Variants in GPRIN3 observed in about 807,000 individuals in gnomAD.
GPRIN3 encodes GPRIN family member 3.
Under a neutral mutation model 13.7 loss-of-function variants are expected in GPRIN3, and 12 were observed. The ratio of observed to expected loss-of-function variants is 0.87; its 90% CI spans 0.56 to 1.42. The LOEUF (loss-of-function observed/expected upper bound fraction) is 1.42, where lower values mean the gene tolerates loss of function less well. Ranked by LOEUF, GPRIN3 falls within the 40% of genes most tolerant of loss-of-function variation. The pLI, the probability that GPRIN3 is intolerant of heterozygous loss-of-function variation, is 0.00. For missense variants in GPRIN3, 1,009 were observed against 958.7 expected, an observed-to-expected ratio of 1.05 and a Z score of -0.69; for synonymous variants, 377 against 372.7, an observed-to-expected ratio of 1.01 and a Z score of -0.13.
chr4:89,249,350 G>A lies in GPRIN3; in HGVS notation c.761C>T (p.Ala254Val), dbSNP rs372625903. ...AGAAGTTGTGCCTTGGGGGCCCGAG[G>A]CAGTGACAGAGGGCTGCTTGTTCTC... is the stretch of plus-strand genomic sequence containing the variant. ...CSENKQPSVT[A>V]SGPQGTTSVT... The change falls in exon 2 of 2, where the codon GCC becomes GTC. Residue 254 changes from alanine (A) to valine (V), a missense_variant. Coordinates refer to ENST00000609438, the MANE Select transcript of GPRIN3 (RefSeq NM_198281.3). 31 of 1,614,056 alleles carry A rather than the reference G, an allele frequency of 1.9e-5. No individual in the cohort carries two copies. Among genetic ancestry groups the A allele is most frequent in the African/African-American group, 5.3e-5 (4 of 74,930 alleles).
At chr4:89,268,141 C>G (rs1428863129) in intron 1 of GPRIN3, among the ~76,000 whole-genome samples, 2 of 152,066 alleles carry the variant, frequency 1.3e-5, no homozygotes, top group African/African-American at 4.8e-5. Flanking sequence ...ACCAGTGAAA[C>G]AATTAGAAAA....
chr4:89,264,717 C>T (rs1044278665), intron 1 of GPRIN3, among the ~76,000 whole-genome samples: 2 of 152,142 alleles, frequency 1.3e-5, no homozygotes, highest in Non-Finnish European at 2.9e-5. Context: ...TGTCCATTTG[C>T]AAAGAGGTTC....
chr4:89,290,584 T>C (rs1724544484), intron 1 of GPRIN3, among the ~76,000 whole-genome samples: 1 of 152,118 alleles, frequency 6.6e-6, no homozygotes, highest in South Asian at 2.1e-4. Context: ...AAGTGAGGAC[T>C]TTCTCTTCTC....
At chr4:89,296,174 A>G (rs28405230) in intron 1 of GPRIN3, among the ~76,000 whole-genome samples, 2,927 of 152,244 alleles carry the variant, frequency 0.019, 90 homozygotes, top group African/African-American at 0.067. Context: ...CTGAAATGAC[A>G]TGAGGTGGTA....
chr4:89,302,289 T>C (rs532806590), intron 1 of GPRIN3, among the ~76,000 whole-genome samples: 5 of 152,298 alleles, frequency 3.3e-5, no homozygotes, highest in Non-Finnish European at 7.3e-5. Context: ...TACTGGGGAA[T>C]TAGAAAGAGG....
chr4:89,258,209 T>G (rs1723531096), intron 1 of GPRIN3, among the ~76,000 whole-genome samples: 1 of 147,108 alleles, frequency 6.8e-6, no homozygotes, highest in African/African-American at 2.5e-5. Flanking sequence ...AATGAAGACT[T>G]GTAGAATGGT....
intron 1 of GPRIN3, among the ~76,000 whole-genome samples, chr4:89,299,966 C>T (rs1270190516): frequency 1.3e-5 from 2 of 152,068 alleles, no homozygotes; most frequent in Admixed American, 6.6e-5. Context: ...GTTAAAACTG[C>T]TAATATTTTT....
intron 1 of GPRIN3, among the ~76,000 whole-genome samples, chr4:89,253,463 G>T (rs1423998844): frequency 6.6e-6 from 1 of 152,166 alleles, no homozygotes; most frequent in Non-Finnish European, 1.5e-5. Flanking sequence ...AAGTTGGAAG[G>T]TCTCATAAAG....
chr4:89,295,961 A>AT (rs1300922798), intron 1 of GPRIN3, among the ~76,000 whole-genome samples: 1 of 152,130 alleles, frequency 6.6e-6, no homozygotes, highest in Non-Finnish European at 1.5e-5. Context: ...TTGTTATATT[A>AT]TTTTTTGTAG....
rs1373555826 is a variant in GPRIN3, at chr4:89,249,758, C to A, written c.353G>T (p.Gly118Val). The A allele has an allele frequency of 1.2e-6, 2 of 1,614,036 alleles. No individual in the cohort carries two copies. Among genetic ancestry groups the A allele is most frequent in the Non-Finnish European group, 1.7e-6 (2 of 1,180,030 alleles). Residue 118 changes from glycine (G) to valine (V), a missense_variant, in exon 2 of 2, where the codon GGA becomes GTA. Coordinates refer to ENST00000609438, the MANE Select transcript of GPRIN3 (RefSeq NM_198281.3). ...PAASAPSSAA[G>V]RDLIHTPLTM... is the part of the protein sequence containing the mutation. Reference sequence around the variant, plus strand: ...CAATGGTGTGTGTATAAGATCCCTTCCTGCTGCAGAACTCGGGGCTGATGC... The same window carrying A: ...CAATGGTGTGTGTATAAGATCCCTTACTGCTGCAGAACTCGGGGCTGATGC...
chr4:89,275,410 A>T (rs546551498), intron 1 of GPRIN3, among the ~76,000 whole-genome samples: 1 of 152,228 alleles, frequency 6.6e-6, no homozygotes, highest in Non-Finnish European at 1.5e-5. Context: ...GTCGAGAGCC[A>T]GCAGCCACTC....
chr4:89,264,465 T>C (rs1723730050), intron 1 of GPRIN3, among the ~76,000 whole-genome samples: 1 of 152,206 alleles, frequency 6.6e-6, no homozygotes. Flanking sequence ...CAGGTATTCC[T>C]TTATAACAAC....
rs1288725200 is a variant in GPRIN3, at chr4:89,246,850, TA to T, written c.*929del. On this transcript the variant is annotated 3_prime_UTR_variant, in exon 2 of 2. Coordinates refer to ENST00000609438, the MANE Select transcript of GPRIN3 (RefSeq NM_198281.3). ...GAAAAAGCAGTGTTTGGTAATCTGC[TA>T]TTTATAGTTCCTGACCAGAACCTTA... 1 of 152,256 alleles carries T rather than the reference TA, an allele frequency of 6.6e-6. No individual in the cohort carries two copies. Among genetic ancestry groups the T allele is most frequent in the Non-Finnish European group, 1.5e-5 (1 of 68,050 alleles). 9.4% of individuals were successfully genotyped at this position (152,256 alleles called of 1,614,324 possible). A position where few individuals can be genotyped will look rare whatever the true frequency, so the allele number is the denominator to read the frequency against.
At chr4:89,286,091 G>GTATATATATATATATATA (rs35444036) in intron 1 of GPRIN3, among the ~76,000 whole-genome samples, 46 of 146,700 alleles carry the variant, frequency 3.1e-4, no homozygotes, top group African/African-American at 1.1e-3. Flanking sequence ...ATGTGTGTGT[G>GTATATATATATATATATA]TATATATATA....
chr4:89,301,853 C>T (rs1272325510), intron 1 of GPRIN3, among the ~76,000 whole-genome samples: 1 of 152,164 alleles, frequency 6.6e-6, no homozygotes, highest in Non-Finnish European at 1.5e-5. Flanking sequence ...AGCAACAATG[C>T]TGAGGTCCCC....
intron 1 of GPRIN3, among the ~76,000 whole-genome samples, chr4:89,288,069 C>T (rs1469940364): frequency 6.6e-6 from 1 of 152,036 alleles, no homozygotes; most frequent in Non-Finnish European, 1.5e-5. Context: ...AATTTCGGTG[C>T]CTCGAGGGCC....
At chr4:89,284,126 T>A (rs1008169630) in intron 1 of GPRIN3, among the ~76,000 whole-genome samples, 2 of 152,148 alleles carry the variant, frequency 1.3e-5, no homozygotes, top group Non-Finnish European at 2.9e-5. Flanking sequence ...CACAAGCTGG[T>A]GAGGTAAGGG....
intron 1 of GPRIN3, among the ~76,000 whole-genome samples, chr4:89,300,382 T>A (rs2110026378): frequency 6.6e-6 from 1 of 152,278 alleles, no homozygotes; most frequent in Middle Eastern, 3.4e-3. Flanking sequence ...AGCGAAGTAA[T>A]GAAGTAGCAT....
intron 1 of GPRIN3, among the ~76,000 whole-genome samples, chr4:89,282,615 T>A (rs1724283241): frequency 7.5e-6 from 1 of 133,500 alleles, no homozygotes; most frequent in South Asian, 2.4e-4. Context: ...TTTTTTTTTT[T>A]AGCTGATCAG....
Sources: gnomAD v4.1 joint callset for allele counts (sites outside exome capture counted in the v4.1 genomes callset) on GRCh38, gnomAD v4.1.1 for gene constraint, MANE v1.5 for transcripts, NCBI Gene and HGNC (gene_info 2026-07-23, HGNC 2026-07-21) for gene names.